Variants in ACBD6 observed in about 807,000 individuals in gnomAD.
ACBD6 encodes acyl-CoA-binding domain-containing protein 6.
A neutral mutation model predicts 37.2 loss-of-function variants in ACBD6; 28 were observed. The ratio of observed to expected loss-of-function variants is 0.75; its 90% CI spans 0.56 to 1.03. The LOEUF (loss-of-function observed/expected upper bound fraction) is 1.03, where lower values mean the gene tolerates loss of function less well. Ranked by LOEUF, ACBD6 falls within the 50% of genes least tolerant of loss-of-function variation. The pLI, the probability that ACBD6 is intolerant of heterozygous loss-of-function variation, is 0.00. For missense variants in ACBD6, 340 were observed against 337.4 expected, an observed-to-expected ratio of 1.01 and a Z score of -0.06; for synonymous variants, 113 against 126.8, an observed-to-expected ratio of 0.89 and a Z score of 0.73.
intron 6 of ACBD6, among the ~76,000 whole-genome samples, chr1:180,342,099 T>C (rs902995776): frequency 6.6e-6 from 1 of 152,152 alleles, no homozygotes; most frequent in African/African-American, 2.4e-5. Context: ...AATGTTGAGA[T>C]TTTTGATCTT....
intron 5 of ACBD6, among the ~76,000 whole-genome samples, chr1:180,403,860 T>C (rs974707644): frequency 2.0e-5 from 3 of 152,082 alleles, no homozygotes; most frequent in Non-Finnish European, 4.4e-5. Context: ...TTAAATGAAG[T>C]ACCTGGAGTA....
intron 3 of ACBD6, among the ~76,000 whole-genome samples, chr1:180,448,054 T>C (rs1649542300): frequency 6.6e-6 from 1 of 152,118 alleles, no homozygotes; most frequent in Non-Finnish European, 1.5e-5. Context: ...ATTTGCAAAA[T>C]GCAAATTAAA....
chr1:180,484,937 G>A (rs954976794), intron 3 of ACBD6, among the ~76,000 whole-genome samples: 16 of 151,988 alleles, frequency 1.1e-4, no homozygotes, highest in African/African-American at 2.9e-4. Flanking sequence ...GGTGGTGGGC[G>A]CCTGTAATCC....
chr1:180,321,783 A>G (rs2149295123), intron 6 of ACBD6, among the ~76,000 whole-genome samples: 1 of 152,292 alleles, frequency 6.6e-6, no homozygotes, highest in African/African-American at 2.4e-5. Context: ...AGGTTTTCCA[A>G]AATATAAGAT....
downstream of ACBD6, among the ~76,000 whole-genome samples, chr1:180,285,685 T>C (rs1264299814): frequency 6.6e-6 from 1 of 152,198 alleles, no homozygotes; most frequent in African/African-American, 2.4e-5. Flanking sequence ...ATCTCAGAGA[T>C]GCTGTAGTGT....
intron 6 of ACBD6, among the ~76,000 whole-genome samples, chr1:180,315,638 A>C (rs1265176183): frequency 6.6e-6 from 1 of 152,140 alleles, no homozygotes. Context: ...GTAGGGGTGG[A>C]GGTTGGCTCT....
chr1:180,274,604 GC>G (rs546149199), intron 10 of ACBD6: 34 of 1,536,918 alleles, frequency 2.2e-5, no homozygotes, highest in Non-Finnish European at 2.9e-5. Context: ...CACCCTACCT[GC>G]CCCCCTGGCT....
chr1:180,298,323 T>C (rs1294624938), intron 7 of ACBD6, among the ~76,000 whole-genome samples: 1 of 152,208 alleles, frequency 6.6e-6, no homozygotes, highest in East Asian at 1.9e-4. Flanking sequence ...GGGAATAAAC[T>C]TCCCATTGTA....
chr1:180,430,798 A>C (rs1024776645), intron 3 of ACBD6, among the ~76,000 whole-genome samples: 3 of 152,154 alleles, frequency 2.0e-5, no homozygotes, highest in Non-Finnish European at 4.4e-5. Flanking sequence ...AACTGCACAG[A>C]AATACTTTCC....
chr1:180,473,517 G>T (rs1390712208), intron 3 of ACBD6, among the ~76,000 whole-genome samples: 1 of 150,702 alleles, frequency 6.6e-6, no homozygotes, highest in Non-Finnish European at 1.5e-5. Context: ...GATGGGGAAA[G>T]AAATAAACTT....
intron 9 of ACBD6, chr1:180,277,500 C>T (rs1306445926): frequency 6.6e-6 from 1 of 152,164 alleles, no homozygotes; most frequent in Non-Finnish European, 1.5e-5. Context: ...TTAGTTAAAA[C>T]CCCAAGTTCC....
chr1:180,438,068 T>C (rs1649124625), intron 3 of ACBD6, among the ~76,000 whole-genome samples: 1 of 152,154 alleles, frequency 6.6e-6, no homozygotes, highest in Non-Finnish European at 1.5e-5. Context: ...CCACCTCCTG[T>C]GAGATCAGCA....
intron 8 of ACBD6, among the ~76,000 whole-genome samples, chr1:180,282,652 T>C (rs952925736): frequency 2.6e-5 from 4 of 152,194 alleles, no homozygotes; most frequent in Non-Finnish European, 4.4e-5. Flanking sequence ...GAATTGAAAG[T>C]CACTTTTTCG....
intron 7 of ACBD6, among the ~76,000 whole-genome samples, chr1:180,305,979 G>A (rs911501873): frequency 4.0e-5 from 6 of 151,448 alleles, no homozygotes; most frequent in Non-Finnish European, 8.8e-5. Context: ...ACCACCATTC[G>A]CAGCAAACTA....
At chr1:180,303,471 T>C (rs1308166919) in intron 7 of ACBD6, among the ~76,000 whole-genome samples, 2 of 150,788 alleles carry the variant, frequency 1.3e-5, no homozygotes, top group East Asian at 3.9e-4. Context: ...GAGAATATTA[T>C]AAACACCTCT....
chr1:180,402,675 C>T (rs1180133472), intron 5 of ACBD6, among the ~76,000 whole-genome samples: 1 of 152,006 alleles, frequency 6.6e-6, no homozygotes, highest in African/African-American at 2.4e-5. Context: ...CTTCTGTAGT[C>T]CCAGCTACTC....
At chr1:180,317,662 G>C (rs772121142) in intron 6 of ACBD6, among the ~76,000 whole-genome samples, 1 of 152,178 alleles carries the variant, frequency 6.6e-6, no homozygotes, top group Non-Finnish European at 1.5e-5. Context: ...GACATGGAGA[G>C]AGAATGAGGG....
rs147165225 is a variant in ACBD6, at chr1:180,435,704, G to A, written c.385-5442C>T. 9.1e-5 allele frequency: 79 copies of A among 864,544 alleles called. No individual in the cohort carries two copies. In the African/African-American group the frequency reaches 9.6e-4, roughly 10 times the overall value. The allele number at this position is 864,544 out of a possible 1,614,324, so 53.6% of individuals were successfully genotyped here. A position where few individuals can be genotyped will look rare whatever the true frequency, so the allele number is the denominator to read the frequency against. ...GAAGGTGAACAAGAAGTTAGAGACCGCTGTCAATCTCGCCTGGACAGCAGG... is the reference window on the plus strand; with the variant it reads ...GAAGGTGAACAAGAAGTTAGAGACCACTGTCAATCTCGCCTGGACAGCAGG... On this transcript the variant is annotated intron_variant, in intron 3 of 7. Transcript: ENST00000367595.
At chr1:180,469,017 G>GTGCTCAAAT (rs1650456884) in intron 3 of ACBD6, among the ~76,000 whole-genome samples, 1 of 152,150 alleles carries the variant, frequency 6.6e-6, no homozygotes, top group East Asian at 1.9e-4. Flanking sequence ...TGCACTGCCA[G>GTGCTCAAAT]TGCTCAAATT....
Sources: allele counts gnomAD v4.1 joint callset (sites outside exome capture counted in the v4.1 genomes callset), GRCh38; gene constraint gnomAD v4.1.1; transcripts MANE v1.5; gene names NCBI Gene and HGNC (gene_info 2026-07-23, HGNC 2026-07-21).